Variants in SGCZ observed in about 807,000 individuals in gnomAD.
SGCZ encodes sarcoglycan zeta.
In SGCZ, 40 loss-of-function variants were observed where a neutral mutation model predicts 41.3. That is an observed-to-expected ratio of 0.97 (90% CI 0.75 to 1.26). The LOEUF is 1.26. SGCZ is among the 50% of genes most tolerant of loss of function. The probability of loss-of-function intolerance (pLI) is 0.00; values close to 1 mark genes in which losing one functional copy is unlikely to be tolerated. For missense variants in SGCZ, 552 were observed against 369.8 expected, an observed-to-expected ratio of 1.49 and a Z score of -4.04; for synonymous variants, 206 against 137.5, an observed-to-expected ratio of 1.50 and a Z score of -3.49.
intron 1 of SGCZ, among the ~76,000 whole-genome samples, chr8:14,912,980 T>C (rs573833533): frequency 6.6e-6 from 1 of 152,048 alleles, no homozygotes; most frequent in Non-Finnish European, 1.5e-5. Flanking sequence ...TGGTTTTAGT[T>C]AGTAATTAAT....
chr8:14,742,083 A>T (rs2055857), intron 1 of SGCZ, among the ~76,000 whole-genome samples: 4 of 151,624 alleles, frequency 2.6e-5, no homozygotes, highest in African/African-American at 7.3e-5. Context: ...ATTTAGAGGG[A>T]AAAAAAACCT....
chr8:15,124,366 T>C (rs1807598674), intron 1 of SGCZ, among the ~76,000 whole-genome samples: 1 of 152,136 alleles, frequency 6.6e-6, no homozygotes, highest in Non-Finnish European at 1.5e-5. Flanking sequence ...ATTGTGGGAA[T>C]TGAGGCCACA....
intron 1 of SGCZ, among the ~76,000 whole-genome samples, chr8:14,696,397 G>A (rs1236808669): frequency 6.6e-6 from 1 of 152,094 alleles, no homozygotes; most frequent in African/African-American, 2.4e-5. Flanking sequence ...AAAGCCCACT[G>A]ATAACAAGCT....
chr8:14,842,720 GA>G (rs924593495), intron 1 of SGCZ, among the ~76,000 whole-genome samples: 8 of 152,286 alleles, frequency 5.3e-5, no homozygotes, highest in Non-Finnish European at 7.4e-5. Context: ...GTTACATGAT[GA>G]AAATGTACTT....
intron 1 of SGCZ, among the ~76,000 whole-genome samples, chr8:14,852,473 T>TA: frequency 6.6e-6 from 1 of 152,244 alleles, no homozygotes; most frequent in African/African-American, 2.4e-5. Flanking sequence ...TGTGATTGAG[T>TA]AAAAGTCTAA....
chr8:14,632,414 A>C (rs1357036192), intron 1 of SGCZ, among the ~76,000 whole-genome samples: 2 of 152,106 alleles, frequency 1.3e-5, no homozygotes, highest in Non-Finnish European at 2.9e-5. Flanking sequence ...TAAATAAAAA[A>C]TTATTTAAGG....
At chr8:14,457,917 C>A (rs2116943620) in intron 2 of SGCZ, among the ~76,000 whole-genome samples, 1 of 152,240 alleles carries the variant, frequency 6.6e-6, no homozygotes, top group African/African-American at 2.4e-5. Flanking sequence ...GCCCAGCTGC[C>A]TTTCCTCTTG....
At chr8:14,533,131 C>T (rs1417326539) in intron 2 of SGCZ, among the ~76,000 whole-genome samples, 1 of 151,896 alleles carries the variant, frequency 6.6e-6, no homozygotes. Flanking sequence ...TCTCCTAATG[C>T]TATCCTTCCC....
rs533186704 is a variant in SGCZ, at chr8:15,237,667, C to T, written c.-44G>A. ...GTGGAGAGGAACCGGGCGAGTGGCA[C>T]CCAAAAACAATCTAGTCTTTTAGTT... On this transcript the variant is annotated 5_prime_UTR_variant, in exon 1 of 8. In the 5' UTR this introduces an upstream ATG that the reference lacks. Transcript: ENST00000382080. 1.4e-5 allele frequency: 22 copies of T among 1,560,292 alleles called. No homozygotes were observed. Among genetic ancestry groups the T allele is most frequent in the South Asian group, 1.3e-4 (11 of 84,824 alleles).
intron 1 of SGCZ, among the ~76,000 whole-genome samples, chr8:14,566,218 T>C (rs903229761): frequency 2.6e-5 from 4 of 152,230 alleles, no homozygotes; most frequent in African/African-American, 9.6e-5. Flanking sequence ...GGACTAATAA[T>C]TTTATTTTTA....
intron 1 of SGCZ, among the ~76,000 whole-genome samples, chr8:15,155,153 A>G (rs1486510512): frequency 1.3e-5 from 2 of 151,970 alleles, no homozygotes; most frequent in Non-Finnish European, 2.9e-5. Context: ...AAATCAGCTG[A>G]GTGTGGTGGT....
intron 4 of SGCZ, among the ~76,000 whole-genome samples, chr8:14,194,328 G>A (rs969251417): frequency 6.6e-5 from 10 of 151,846 alleles, no homozygotes; most frequent in Non-Finnish European, 1.3e-4. Flanking sequence ...GATTGAAAAC[G>A]AGACCAGAGT....
At chr8:14,656,130 AT>A (rs946191672) in intron 1 of SGCZ, among the ~76,000 whole-genome samples, 1 of 152,046 alleles carries the variant, frequency 6.6e-6, no homozygotes, top group Non-Finnish European at 1.5e-5. Context: ...AGTGCAATTA[AT>A]TTTTTAAGTA....
At chr8:14,219,306 G>A (rs183295791) in intron 4 of SGCZ, among the ~76,000 whole-genome samples, 290 of 152,182 alleles carry the variant, frequency 1.9e-3, no homozygotes, top group Middle Eastern at 0.01. Flanking sequence ...TTTCAATCCC[G>A]CTTAAACCAC....
At chr8:14,197,457 G>A (rs1194471538) in intron 4 of SGCZ, among the ~76,000 whole-genome samples, 2 of 151,890 alleles carry the variant, frequency 1.3e-5, no homozygotes, top group African/African-American at 4.8e-5. Context: ...ATACATCATA[G>A]ATAATGTTGT....
At chr8:14,900,851 G>T (rs939362031) in intron 1 of SGCZ, among the ~76,000 whole-genome samples, 2 of 152,022 alleles carry the variant, frequency 1.3e-5, no homozygotes, top group African/African-American at 4.8e-5. Flanking sequence ...TTCCCATATT[G>T]GCCTACTATA....
chr8:14,796,774 C>T (rs1241973876), intron 1 of SGCZ, among the ~76,000 whole-genome samples: 1 of 152,160 alleles, frequency 6.6e-6, no homozygotes, highest in African/African-American at 2.4e-5. Flanking sequence ...CTAGAATCCC[C>T]ACATGTGGTG....
chr8:15,026,617 G>A (rs574132594), intron 1 of SGCZ, among the ~76,000 whole-genome samples: 2 of 152,232 alleles, frequency 1.3e-5, no homozygotes, highest in Admixed American at 6.5e-5. Flanking sequence ...CATTATAAAA[G>A]GGACTCGATT....
chr8:14,291,926 C>A (rs971369393), intron 3 of SGCZ, among the ~76,000 whole-genome samples: 1 of 151,872 alleles, frequency 6.6e-6, no homozygotes, highest in Non-Finnish European at 1.5e-5. Context: ...TGTCTAAAAG[C>A]CCCAACTACT....
Sources: allele counts gnomAD v4.1 joint callset (sites outside exome capture counted in the v4.1 genomes callset), GRCh38; gene constraint gnomAD v4.1.1; transcripts MANE v1.5; gene names NCBI Gene and HGNC (gene_info 2026-07-23, HGNC 2026-07-21).